MPRIP: variants seen among roughly 807,000 people sequenced by gnomAD.
MPRIP encodes the protein myosin phosphatase Rho interacting protein, also known as myosin phosphatase Rho-interacting protein.
A neutral mutation model predicts 234.9 loss-of-function variants in MPRIP; 59 were observed. The ratio of observed to expected loss-of-function variants is 0.25; its 90% CI spans 0.20 to 0.31. MPRIP has a LOEUF of 0.31. MPRIP is among the 10% of genes least tolerant of loss of function. MPRIP has a pLI of 1.00. For missense variants in MPRIP, 2,436 were observed against 3,071.0 expected (o/e 0.79, Z 4.89); for synonymous variants, 1,144 against 1,263.9 (o/e 0.91, Z 2.01).
chr17:17,158,832 G>A lies in MPRIP; in HGVS notation c.2230G>A (p.Asp744Asn), dbSNP rs768965649. ...CCGGAGCCCAGGGCTGCCTATGAGC[G>A]ACCTCAAAACGCATAACGTCCACGT... ...VDRSPGLPMS[D>N]LKTHNVHVEI... The change falls in exon 14 of 24, where the codon GAC becomes AAC. Residue 744 changes from aspartate to asparagine, a missense_variant. Asp to Asn is a conservative substitution (Grantham distance 23). This residue lies in a region of MPRIP where 1,998 missense variants were observed against 2,520.3 expected (regional missense o/e 0.79). Coordinates refer to ENST00000651222, the MANE Select transcript of MPRIP (RefSeq NM_001364716.4). 6.8e-6 allele frequency: 11 copies of A among 1,611,702 alleles called. No individual in the cohort carries two copies. The highest frequency in any genetic ancestry group is 7.6e-6 in the Non-Finnish European group (9 of 1,179,952).
intron 3 of MPRIP, among the ~76,000 whole-genome samples, chr17:17,111,212 C>A (rs188644451): frequency 2.9e-5 from 2 of 69,228 alleles, no homozygotes; most frequent in East Asian, 4.5e-4. Flanking sequence ...CCCTGTTTCA[C>A]AAGGGGTAGT....
At chr17:17,154,274 G>A in intron 12 of MPRIP, 32 bp from the exon 13 acceptor site, 2 of 1,598,578 alleles carry the variant, frequency 1.3e-6, no homozygotes, top group Non-Finnish European at 1.7e-6. Flanking sequence ...CTAGGGGACA[G>A]TCACTGATGG....
At chr17:17,076,936 CTTTTTTTTTTTTTT>C (rs5819598) in intron 2 of MPRIP, 1 of 91,376 alleles carries the variant, frequency 1.1e-5, no homozygotes, top group Non-Finnish European at 2.0e-5. Context: ...GGGCTCTTTG[CTTTTTTTTTTTTTT>C]TTTTTTTTTG....
chr17:17,118,236 C>A (rs1296739376), intron 3 of MPRIP, among the ~76,000 whole-genome samples: 6 of 152,222 alleles, frequency 3.9e-5, no homozygotes, highest in Admixed American at 6.5e-5. Flanking sequence ...CTTCTAGGAG[C>A]CTGATCTAAC....
rs1341141767 is a variant in MPRIP, at chr17:17,154,420, G to A, written c.1829+5G>A. On this transcript the variant is annotated splice_donor_5th_base_variant and intron_variant, in intron 13 of 23. Transcript: ENST00000651222. Reference sequence around the variant, plus strand: ...CACTGCCCCGGATGTGACCAGGTAGGATGGTGAAGACACCAGGGAGCCCTT... The same window carrying A: ...CACTGCCCCGGATGTGACCAGGTAGAATGGTGAAGACACCAGGGAGCCCTT... 6.2e-7 allele frequency: 1 copy of A among 1,613,518 alleles called. No homozygotes were observed. The highest frequency in any genetic ancestry group is 8.5e-7 in the Non-Finnish European group (1 of 1,179,586).
At chr17:17,090,029 C>T (rs1297899288) in intron 3 of MPRIP, among the ~76,000 whole-genome samples, 1 of 152,164 alleles carries the variant, frequency 6.6e-6, no homozygotes, top group Non-Finnish European at 1.5e-5. Context: ...CTGATTCAAC[C>T]CCAGGGGGAG....
chr17:17,107,156 T>C (rs2090078834), intron 3 of MPRIP, among the ~76,000 whole-genome samples: 1 of 152,252 alleles, frequency 6.6e-6, no homozygotes, highest in Admixed American at 6.5e-5. Flanking sequence ...TTTAATGGGC[T>C]CTAGCCCCCT....
At chr17:17,160,131 G>C (rs969011297) in intron 14 of MPRIP, among the ~76,000 whole-genome samples, 7 of 152,156 alleles carry the variant, frequency 4.6e-5, no homozygotes, top group African/African-American at 1.7e-4. Context: ...TACTTTGGGA[G>C]GCCGAGGCGG....
chr17:17,127,927 G>A (rs984517857), intron 4 of MPRIP, among the ~76,000 whole-genome samples: 12 of 152,240 alleles, frequency 7.9e-5, no homozygotes, highest in African/African-American at 7.2e-5. Context: ...CGCTCTCTGC[G>A]GGGGTGTGCT....
At chr17:17,139,490 G>A (rs1034227500) in intron 7 of MPRIP, among the ~76,000 whole-genome samples, 1 of 152,196 alleles carries the variant, frequency 6.6e-6, no homozygotes, top group Non-Finnish European at 1.5e-5. Flanking sequence ...CAGAAAAGAG[G>A]TTCAAACCAT....
chr17:17,067,121 C>A (rs752983673), intron 1 of MPRIP, among the ~76,000 whole-genome samples: 3 of 152,052 alleles, frequency 2.0e-5, no homozygotes, highest in Non-Finnish European at 2.9e-5. Context: ...ATTTGCAGTT[C>A]GAGGTGTGAT....
chr17:17,068,286 G>A (rs1467598681), intron 1 of MPRIP, among the ~76,000 whole-genome samples: 1 of 152,008 alleles, frequency 6.6e-6, no homozygotes, highest in African/African-American at 2.4e-5. Flanking sequence ...GAGTAGCTGG[G>A]ATTACAGGCA....
At chr17:17,051,042 G>C (rs1221781285) in intron 1 of MPRIP, among the ~76,000 whole-genome samples, 1 of 152,228 alleles carries the variant, frequency 6.6e-6, no homozygotes, top group African/African-American at 2.4e-5. Flanking sequence ...GACCCAGGAA[G>C]GTGACTTATG....
rs2046170672 is a variant in MPRIP, at chr17:17,172,777, C to T, written c.6552C>T (p.Ser2184=). Residue 2184 remains serine (S), a synonymous_variant, in exon 18 of 24, where the codon AGC becomes AGT. Coordinates refer to ENST00000651222, the MANE Select transcript of MPRIP (RefSeq NM_001364716.4). ...AGAGCCAGCGGTCCCAGATCAGCAG[C>T]GTCAACTCGGATGTTGAGGCCCTGC... ...LEKSQRSQIS[S]VNSDVEALRR... is the part of the protein sequence containing the mutation. 5.0e-6 allele frequency: 8 copies of T among 1,612,596 alleles called. No homozygotes were observed. Among genetic ancestry groups the T allele is most frequent in the African/African-American group, 4.0e-5 (3 of 75,038 alleles).
In MPRIP at chr17:17,167,959, A is replaced by T. The variant is rs1345312290; in HGVS notation, c.6324+44A>T. 7.9e-7 allele frequency: 1 copy of T among 1,264,808 alleles called. No homozygotes were observed. Among genetic ancestry groups the T allele is most frequent in the African/African-American group, 1.5e-5 (1 of 65,352 alleles). 78.3% of individuals were successfully genotyped at this position (1,264,808 alleles called of 1,614,324 possible). Reference sequence around the variant, plus strand: ...ATTTGCAGAGCAGATCTTCCTTGATAATGGGGTGGGTGTGGGGACGTCTGG... The same window carrying T: ...ATTTGCAGAGCAGATCTTCCTTGATTATGGGGTGGGTGTGGGGACGTCTGG... On this transcript the variant is annotated intron_variant, in intron 16 of 23. Transcript: ENST00000651222. This position sits in a 1 kb window ranked among gnomAD's most constrained non-coding sequence, Gnocchi z 5.9.
chr17:17,154,156 G>T (rs572049064), intron 12 of MPRIP, 150 bp from the exon 13 acceptor site: 1 of 636,348 alleles, frequency 1.6e-6, no homozygotes, highest in African/African-American at 1.8e-5. Flanking sequence ...TGTCCCAGTA[G>T]TGGGCACATG....
At chr17:17,127,993 G>T (rs1379860595) in intron 4 of MPRIP, among the ~76,000 whole-genome samples, 1 of 152,226 alleles carries the variant, frequency 6.6e-6, no homozygotes, top group Non-Finnish European at 1.5e-5. Context: ...AGCACCTGGA[G>T]CCGAGCTGGA....
chr17:17,161,420 C>A, intron 15 of MPRIP, 64 bp downstream of exon 15: 1 of 1,225,536 alleles, frequency 8.2e-7, no homozygotes, highest in Non-Finnish European at 1.2e-6. Flanking sequence ...AGGGTTCATG[C>A]TCAGGCAGGC....
At chr17:17,119,802 G>A (rs1257611447) in intron 3 of MPRIP, among the ~76,000 whole-genome samples, 1 of 152,230 alleles carries the variant, frequency 6.6e-6, no homozygotes, top group Non-Finnish European at 1.5e-5. Flanking sequence ...GTGGGTCACA[G>A]TGCATATGAA....
Sources: gnomAD v4.1 joint callset for allele counts (sites outside exome capture counted in the v4.1 genomes callset) on GRCh38, gnomAD v4.1.1 for gene constraint, gnomAD v4.1.1 regional missense constraint, Gnocchi (gnomAD v3.1) non-coding constraint, MANE v1.5 for transcripts, NCBI Gene and HGNC (gene_info 2026-07-23, HGNC 2026-07-21) for gene names.